DENND1B: variants seen among roughly 807,000 people sequenced by gnomAD.
DENND1B encodes the protein DENN domain-containing protein 1B.
A neutral mutation model predicts 90.1 loss-of-function variants in DENND1B; 59 were observed. The ratio of observed to expected loss-of-function variants is 0.65; its 90% confidence interval spans 0.53 to 0.81. The LOEUF is 0.81. DENND1B is among the 40% of genes least tolerant of loss of function. The pLI is 0.00. For missense variants in DENND1B, 862 were observed against 912.6 expected (o/e 0.94, Z 0.71); for synonymous variants, 337 against 324.6 (o/e 1.04, Z -0.41).
In DENND1B at chr1:197,571,999, G is replaced by T. The variant is rs183112998; in HGVS notation, c.1149+11153C>A. Among the ~76,000 whole-genome samples the T allele has an allele frequency of 2.5e-4, 38 of 152,236 alleles. No homozygotes were observed. The East Asian group carries it at 7.4e-3, about 29-fold the overall frequency. ...CTGGTCTGCAGCTCCCAGTGTGATC[G>T]ATGCAGAAGACAGGTGATTTCTGCA... is the stretch of plus-strand genomic sequence containing the variant. On this transcript the variant is annotated intron_variant, in intron 15 of 22. Coordinates refer to ENST00000620048, the MANE Select transcript of DENND1B (RefSeq NM_001195215.2).
intron 10 of DENND1B, among the ~76,000 whole-genome samples, chr1:197,631,815 G>C (rs1305824243): frequency 1.3e-5 from 2 of 151,852 alleles, no homozygotes; most frequent in African/African-American, 4.8e-5. Flanking sequence ...TCATATATAT[G>C]TGAATATCTG....
chr1:197,774,711 T>C (rs925872939), intron 1 of DENND1B: 1 of 155,330 alleles, frequency 6.4e-6, no homozygotes, highest in Non-Finnish European at 1.4e-5. Flanking sequence ...CAGAGAGCAC[T>C]CGGAATAATA....
At chr1:197,543,146 G>A (rs1163122281) in intron 18 of DENND1B, among the ~76,000 whole-genome samples, 1 of 152,048 alleles carries the variant, frequency 6.6e-6, no homozygotes, top group Non-Finnish European at 1.5e-5. Flanking sequence ...TGTTGGCCAG[G>A]CTGGTCTCAA....
Position 197,652,317 on chromosome 1 carries a change from TA to T in DENND1B, c.367-3del. The T allele has an allele frequency of 6.2e-7, 1 of 1,606,846 alleles. No individual in the cohort carries two copies. Among genetic ancestry groups the T allele is most frequent in the Non-Finnish European group, 8.5e-7 (1 of 1,177,580 alleles). On this transcript the variant is annotated splice_region_variant and splice_polypyrimidine_tract_variant and intron_variant, in intron 6 of 22. Transcript: ENST00000620048. ...GAGAGTTTCATTCAAATCATTTTCC[TA>T]GGGCAAAAGAAAAAGTACATTTTAT... is the stretch of plus-strand genomic sequence containing the variant.
At chr1:197,715,837 T>C (rs1047279693) in intron 2 of DENND1B, among the ~76,000 whole-genome samples, 3 of 151,870 alleles carry the variant, frequency 2.0e-5, no homozygotes, top group Non-Finnish European at 4.4e-5. Context: ...CTAATAAATA[T>C]TTTAGCCATA....
chr1:197,541,175 CACTT>C (rs1670310735), intron 18 of DENND1B, among the ~76,000 whole-genome samples, 160 bp from the exon 19 acceptor site: 1 of 152,152 alleles, frequency 6.6e-6, no homozygotes. Context: ...ATACGCATAT[CACTT>C]ACTATTTTAT....
intron 9 of DENND1B, among the ~76,000 whole-genome samples, chr1:197,643,247 C>T (rs7549077): frequency 1.3e-5 from 2 of 151,874 alleles, no homozygotes; most frequent in African/African-American, 2.4e-5. Context: ...CTCCGCCTCC[C>T]GGGTTCAGGT....
intron 1 of DENND1B, 49 bp downstream of exon 1, chr1:197,775,090 G>C (rs1197232185): frequency 8.3e-7 from 1 of 1,206,644 alleles, no homozygotes; most frequent in African/African-American, 1.6e-5. Flanking sequence ...GCCTGGGAGG[G>C]GCCGCCGAGG....
intron 5 of DENND1B, among the ~76,000 whole-genome samples, chr1:197,667,433 T>C (rs1655052247): frequency 6.6e-6 from 1 of 152,066 alleles, no homozygotes; most frequent in Admixed American, 6.6e-5. Context: ...TTTTTATTTA[T>C]TATTATCTTT....
At chr1:197,704,714 A>G (rs1659356918) in intron 3 of DENND1B, among the ~76,000 whole-genome samples, 1 of 152,154 alleles carries the variant, frequency 6.6e-6, no homozygotes, top group African/African-American at 2.4e-5. Context: ...AAATGGATTG[A>G]TATTATTTCT....
At chr1:197,775,039 G>C (rs1657118500) in intron 1 of DENND1B, 100 bp downstream of exon 1, 10 of 859,816 alleles carry the variant, frequency 1.2e-5, no homozygotes, top group South Asian at 5.7e-5. Flanking sequence ...TCGGCCGCCC[G>C]GGGAGCCGGT....
chr1:197,718,391 T>TA (rs10639382), intron 2 of DENND1B, among the ~76,000 whole-genome samples: 117,045 of 143,250 alleles, frequency 0.82, 47,616 homozygotes, highest in East Asian at 0.88. Flanking sequence ...CTTAAAAATG[T>TA]AAAAAAAAAA....
intron 15 of DENND1B, among the ~76,000 whole-genome samples, chr1:197,568,102 G>A (rs557490803): frequency 2.0e-4 from 31 of 151,852 alleles, no homozygotes; most frequent in African/African-American, 5.5e-4. Context: ...TATTACATGC[G>A]GAAAACTCTA....
chr1:197,552,174 GT>G (rs1013241215), intron 16 of DENND1B: 76 of 961,620 alleles, frequency 7.9e-5, no homozygotes, highest in Middle Eastern at 5.4e-4. Context: ...ATAGACTGAA[GT>G]TTTTTTTCCT....
intron 6 of DENND1B, among the ~76,000 whole-genome samples, chr1:197,657,795 G>A (rs918131251): frequency 4.6e-5 from 7 of 152,112 alleles, no homozygotes; most frequent in Non-Finnish European, 8.8e-5. Flanking sequence ...AACATTATTT[G>A]TACAAACATT....
At chr1:197,773,217 T>C (rs961034348) in intron 1 of DENND1B, among the ~76,000 whole-genome samples, 2 of 152,216 alleles carry the variant, frequency 1.3e-5, no homozygotes, top group African/African-American at 4.8e-5. Context: ...ATAGTGAGGA[T>C]TATAAATCAA....
chr1:197,693,625 T>C (rs943249837), intron 3 of DENND1B, among the ~76,000 whole-genome samples: 2 of 151,810 alleles, frequency 1.3e-5, no homozygotes, highest in South Asian at 2.1e-4. Flanking sequence ...TCTCTTAATA[T>C]ACAAATGCAT....
At chr1:197,607,527 C>T (rs939308359) in intron 12 of DENND1B, among the ~76,000 whole-genome samples, 7 of 150,704 alleles carry the variant, frequency 4.6e-5, no homozygotes, top group African/African-American at 1.7e-4. Flanking sequence ...GAATTCATGG[C>T]CAGCTCTATA....
chr1:197,692,121 C>T (rs971630716), intron 3 of DENND1B, among the ~76,000 whole-genome samples: 1 of 150,132 alleles, frequency 6.7e-6, no homozygotes, highest in Non-Finnish European at 1.5e-5. Flanking sequence ...TGTATCTGTG[C>T]CTCCACAATA....
Sources: gnomAD v4.1 joint callset for allele counts (sites outside exome capture counted in the v4.1 genomes callset) on GRCh38, gnomAD v4.1.1 for gene constraint, MANE v1.5 for transcripts, NCBI Gene and HGNC (gene_info 2026-07-23, HGNC 2026-07-21) for gene names.